ZNF385D: variants seen among roughly 807,000 people sequenced by gnomAD.
ZNF385D encodes the protein zinc finger protein 659.
In ZNF385D, 15 loss-of-function variants were observed where a neutral mutation model predicts 35.8. The observed-to-expected ratio is 0.42, with a 90% CI of 0.28 to 0.64. The LOEUF (loss-of-function observed/expected upper bound fraction) is 0.64. ZNF385D is among the 30% of genes least tolerant of loss of function. The pLI is 0.23. For missense variants in ZNF385D, 474 were observed against 494.6 expected (o/e 0.96, Z 0.39); for synonymous variants, 212 against 186.8 (o/e 1.13, Z -1.10).
intron 3 of ZNF385D, among the ~76,000 whole-genome samples, chr3:21,846,510 CT>C (rs1186361294): frequency 6.6e-6 from 1 of 151,940 alleles, no homozygotes; most frequent in Non-Finnish European, 1.5e-5. Context: ...TGCTTTAGGG[CT>C]TTTTGCCATA....
intron 3 of ZNF385D, among the ~76,000 whole-genome samples, chr3:22,148,920 A>G (rs1274520783): frequency 6.6e-6 from 1 of 152,168 alleles, no homozygotes; most frequent in Non-Finnish European, 1.5e-5. Context: ...CAGGGTCTCA[A>G]CTTGCCACCC....
chr3:21,794,281 G>C (rs1041915727), intron 3 of ZNF385D, among the ~76,000 whole-genome samples: 11 of 152,012 alleles, frequency 7.2e-5, no homozygotes, highest in Non-Finnish European at 1.3e-4. Context: ...AGCTTAAATA[G>C]AGAGCTTAGA....
chr3:21,480,073 C>A (rs1054933725), intron 4 of ZNF385D, among the ~76,000 whole-genome samples: 2 of 151,212 alleles, frequency 1.3e-5, no homozygotes, highest in Middle Eastern at 3.2e-3. Context: ...CACGGTGGGC[C>A]CATATATTTA....
intron 2 of ZNF385D, among the ~76,000 whole-genome samples, chr3:22,349,043 T>C (rs998729323): frequency 4.6e-5 from 7 of 152,190 alleles, no homozygotes; most frequent in East Asian, 3.8e-4. Flanking sequence ...AATTTTACTA[T>C]AAAATTACTC....
chr3:22,118,721 C>G (rs1172631206), intron 3 of ZNF385D, among the ~76,000 whole-genome samples: 1 of 152,002 alleles, frequency 6.6e-6, no homozygotes, highest in Non-Finnish European at 1.5e-5. Context: ...AGCCTGATAT[C>G]CTTGATCTGA....
At position 21,883,965 on chromosome 3, in the gene ZNF385D, G is replaced by A. The variant is rs529244922; in HGVS notation, c.326-218937C>T. On this transcript the variant is annotated intron_variant, in intron 3 of 5. Transcript: ENST00000494108. Reference sequence around the variant, plus strand: ...ATTTCTTGTCTTTCAAAGGGAATCGGTTTGTGCACCATTTTGTGATATCCT... The same window carrying A: ...ATTTCTTGTCTTTCAAAGGGAATCGATTTGTGCACCATTTTGTGATATCCT... Among the ~76,000 whole-genome samples, 8 of 152,076 alleles carry A rather than the reference G, an allele frequency of 5.3e-5. 1 individual carries two copies. The South Asian group carries it at 1.7e-3, about 32-fold the overall frequency.
In ZNF385D at chr3:21,776,794, C is replaced by G. The variant is rs182039912; in HGVS notation, c.326-111766G>C. ...ACACAAAGCAAAAAGAAACATTATT[C>G]TTTACGGCTACCAGAACTCCATGAG... On this transcript the variant is annotated intron_variant, in intron 3 of 5. Transcript: ENST00000494108. 9.9e-5 allele frequency among the ~76,000 whole-genome samples: 15 copies of G among 151,996 alleles called. No individual in the cohort carries two copies. The East Asian group carries it at 1.9e-3, about 20-fold the overall frequency.
chr3:21,865,271 C>G (rs1697285359), intron 3 of ZNF385D, among the ~76,000 whole-genome samples: 1 of 151,672 alleles, frequency 6.6e-6, no homozygotes. Context: ...TAGATGGAAT[C>G]AATACACAGT....
chr3:21,975,502 C>A (rs1318706779), intron 3 of ZNF385D, among the ~76,000 whole-genome samples: 2 of 151,982 alleles, frequency 1.3e-5, no homozygotes, highest in African/African-American at 4.8e-5. Context: ...AAGGTGACTA[C>A]ACTCAATAAC....
At chr3:22,092,508 T>A (rs1220382943) in intron 3 of ZNF385D, among the ~76,000 whole-genome samples, 4 of 152,082 alleles carry the variant, frequency 2.6e-5, no homozygotes, top group Non-Finnish European at 4.4e-5. Flanking sequence ...CCTGAGTACT[T>A]TGCAGCCTCA....
intron 3 of ZNF385D, among the ~76,000 whole-genome samples, chr3:21,551,434 A>T (rs1316682694): frequency 6.6e-6 from 1 of 152,194 alleles, no homozygotes; most frequent in Non-Finnish European, 1.5e-5. Flanking sequence ...ATGAAATTCT[A>T]TTGTTAGGAA....
At chr3:21,430,371 A>G (rs1255427704) in intron 5 of ZNF385D, among the ~76,000 whole-genome samples, 1 of 152,192 alleles carries the variant, frequency 6.6e-6, no homozygotes, top group African/African-American at 2.4e-5. Context: ...AGTCTAAAAC[A>G]GAGGAAAAAA....
intron 3 of ZNF385D, among the ~76,000 whole-genome samples, chr3:22,089,704 T>A (rs749023623): frequency 1.3e-5 from 2 of 152,206 alleles, no homozygotes; most frequent in Non-Finnish European, 2.9e-5. Context: ...TTGAACATTA[T>A]TCTTTGAGCA....
At chr3:22,324,986 G>C (rs1056883414) in intron 2 of ZNF385D, among the ~76,000 whole-genome samples, 29 of 152,176 alleles carry the variant, frequency 1.9e-4, no homozygotes, top group Non-Finnish European at 3.4e-4. Context: ...TGTTTCTTTG[G>C]TGAAATGAGG....
intron 1 of ZNF385D, among the ~76,000 whole-genome samples, chr3:21,695,131 C>A (rs2067426520): frequency 1.3e-5 from 2 of 152,140 alleles, no homozygotes. Flanking sequence ...TATTTGCCAT[C>A]ATCATTGTAA....
intron 3 of ZNF385D, among the ~76,000 whole-genome samples, chr3:22,124,863 G>C (rs968163154): frequency 3.9e-5 from 6 of 152,042 alleles, no homozygotes; most frequent in Admixed American, 6.6e-5. Context: ...CCCATACTGT[G>C]CGTTGTTTCT....
At position 21,415,687 on chromosome 3, in the gene ZNF385D, C is replaced by A. The variant is rs965287614; in HGVS notation, c.*5527G>T. ...CTTCTTTGCTCACAAATCATTTTAG[C>A]CCTAATCTTTAAAAATTGCCTTTAG... is the stretch of plus-strand genomic sequence containing the variant. On this transcript the variant is annotated 3_prime_UTR_variant, in exon 8 of 8. Transcript: ENST00000281523. 2.0e-5 allele frequency: 3 copies of A among 152,056 alleles called. No individual in the cohort carries two copies. The highest frequency in any genetic ancestry group is 7.2e-5 in the African/African-American group (3 of 41,412). The allele number at this position is 152,056 out of a possible 1,614,324, so 9.4% of individuals were successfully genotyped here. A position where few individuals can be genotyped will look rare whatever the true frequency, so the allele number is the denominator to read the frequency against.
chr3:21,672,435 T>C (rs775723161), intron 1 of ZNF385D, among the ~76,000 whole-genome samples: 57 of 152,034 alleles, frequency 3.7e-4, no homozygotes, highest in Admixed American at 3.3e-4. Flanking sequence ...TAAGGGCAAG[T>C]TGTCAGCCCT....
chr3:21,666,147 A>C (rs1470053661), intron 1 of ZNF385D, among the ~76,000 whole-genome samples: 2 of 152,216 alleles, frequency 1.3e-5, no homozygotes, highest in African/African-American at 4.8e-5. Flanking sequence ...CAAATTTCAC[A>C]ACAAACTCTC....
Sources: allele counts gnomAD v4.1 joint callset (sites outside exome capture counted in the v4.1 genomes callset), GRCh38; gene constraint gnomAD v4.1.1; transcripts MANE v1.5; gene names NCBI Gene and HGNC (gene_info 2026-07-23, HGNC 2026-07-21).